SYT2: variants seen among roughly 807,000 people sequenced by gnomAD.
SYT2 encodes the protein synaptotagmin-2.
In SYT2, 15 loss-of-function variants were observed where a neutral mutation model predicts 39.9. That is an observed-to-expected ratio of 0.38 (90% confidence interval 0.25 to 0.58). The LOEUF is 0.58. Among genes scored for constraint, SYT2 ranks in the 20% least tolerant of loss-of-function variants. The pLI is 0.70. For synonymous variants in SYT2, 181 were observed against 204.5 expected (o/e 0.89, Z 0.98); for missense variants, 389 against 530.3 (o/e 0.73, Z 2.62).
At chr1:202,672,270 C>G (rs908873233) in intron 1 of SYT2, among the ~76,000 whole-genome samples, 17 of 152,270 alleles carry the variant, frequency 1.1e-4, no homozygotes, top group African/African-American at 4.1e-4. Context: ...TTCGTTTAAC[C>G]CCCAGTGTGA....
intron 1 of SYT2, among the ~76,000 whole-genome samples, chr1:202,610,317 C>T (rs568150646): frequency 6.6e-6 from 1 of 152,028 alleles, no homozygotes; most frequent in Admixed American, 6.6e-5. Flanking sequence ...AAGTCAGGTA[C>T]TGTGATGCCT....
intron 1 of SYT2, among the ~76,000 whole-genome samples, chr1:202,639,312 C>T (rs1320789125): frequency 6.6e-6 from 1 of 152,202 alleles, no homozygotes; most frequent in Non-Finnish European, 1.5e-5. Flanking sequence ...AGGCATTTTA[C>T]CTTGTGCTCT....
chr1:202,643,797 C>T (rs1420511667), intron 1 of SYT2, among the ~76,000 whole-genome samples: 6 of 152,082 alleles, frequency 3.9e-5, no homozygotes, highest in Admixed American at 6.5e-5. Flanking sequence ...GCTCCGAGCC[C>T]CCGGAGCCCT....
chr1:202,607,150 T>C (rs1451342446), intron 1 of SYT2, among the ~76,000 whole-genome samples: 5 of 152,198 alleles, frequency 3.3e-5, no homozygotes, highest in Admixed American at 2.6e-4. Flanking sequence ...CCAAGCTCTT[T>C]CTGCTCCTCA....
chr1:202,618,014 T>C lies in SYT2; in HGVS notation c.-17-12225A>G, dbSNP rs192495749. Among the ~76,000 whole-genome samples, 7 of 152,266 alleles carry C rather than the reference T, an allele frequency of 4.6e-5. No homozygotes were observed. The East Asian group carries it at 1.2e-3, about 25-fold the overall frequency. The stretch of plus-strand genomic sequence containing the variant: ...GCCTCCCAGGTTCAAGCAATTCTCC[T>C]GCCTCAGTCTCCCAAGTAGCTGGGA... On this transcript the variant is annotated intron_variant, in intron 1 of 8. Transcript: ENST00000367268.
chr1:202,652,772 C>T (rs1018325786), intron 1 of SYT2, among the ~76,000 whole-genome samples: 27 of 152,214 alleles, frequency 1.8e-4, no homozygotes, highest in African/African-American at 5.5e-4. Context: ...GACCCAGAAA[C>T]GTGGCTCTGC....
chr1:202,624,484 TGGTGTATAGTAA>T (rs1486786571), intron 1 of SYT2, among the ~76,000 whole-genome samples: 2 of 147,718 alleles, frequency 1.4e-5, no homozygotes, highest in African/African-American at 5.1e-5. Context: ...GAGGTGTGTG[TGGTGTATAGTAA>T]GGTGTGTATG....
chr1:202,603,289 C>A (rs1243651605), intron 3 of SYT2, among the ~76,000 whole-genome samples, 171 bp from the exon 4 acceptor site: 1 of 152,130 alleles, frequency 6.6e-6, no homozygotes, highest in Non-Finnish European at 1.5e-5. Flanking sequence ...TCCTTCACGG[C>A]CCATCAGAAC....
intron 1 of SYT2, among the ~76,000 whole-genome samples, chr1:202,691,244 G>C (rs937677497): frequency 6.6e-6 from 1 of 152,208 alleles, no homozygotes; most frequent in Non-Finnish European, 1.5e-5. Context: ...GCCTGGGCTA[G>C]CTTTCCCATG....
intron 1 of SYT2, among the ~76,000 whole-genome samples, chr1:202,678,220 G>A (rs915450318): frequency 7.4e-6 from 1 of 135,336 alleles, no homozygotes; most frequent in Non-Finnish European, 1.5e-5. Context: ...GTTGCAGTGA[G>A]CCGAGATCGT....
intron 1 of SYT2, among the ~76,000 whole-genome samples, chr1:202,659,939 T>A (rs1034703421): frequency 2.2e-4 from 34 of 152,138 alleles, no homozygotes; most frequent in Non-Finnish European, 8.8e-5. Context: ...TTAAACCCCC[T>A]GGGTCCCAGG....
At chr1:202,638,362 T>C (rs1433246725) in intron 1 of SYT2, among the ~76,000 whole-genome samples, 2 of 152,210 alleles carry the variant, frequency 1.3e-5, no homozygotes, top group Admixed American at 6.5e-5. Context: ...ACAGCCTCTC[T>C]TGACCTGCCA....
rs1690191649 is a variant in SYT2 at position 202,593,445 on chromosome 1, TC to T, written c.*3311del. ...TCGCTGAAGCCTTGGGCCAGCAAAA[TC>T]ATCCCACACTGATTCTGCAGACACA... On this transcript the variant is annotated 3_prime_UTR_variant, in exon 9 of 9. Coordinates refer to ENST00000367268, the MANE Select transcript of SYT2 (RefSeq NM_177402.5). 1.3e-5 allele frequency: 2 copies of T among 152,224 alleles called. No homozygotes were observed. The highest frequency in any genetic ancestry group is 4.1e-4 in the South Asian group (2 of 4,824). 9.4% of individuals were successfully genotyped at this position (152,224 alleles called of 1,614,324 possible).
intron 1 of SYT2, among the ~76,000 whole-genome samples, chr1:202,617,136 T>C (rs188132681): frequency 1.3e-5 from 2 of 152,338 alleles, no homozygotes; most frequent in Non-Finnish European, 2.9e-5. Context: ...CTCCTTCTTT[T>C]GTTTCCCCTA....
At chr1:202,660,977 A>G (rs554233266) in intron 1 of SYT2, among the ~76,000 whole-genome samples, 1 of 152,276 alleles carries the variant, frequency 6.6e-6, no homozygotes, top group African/African-American at 2.4e-5. Context: ...ATACTTCTGC[A>G]TCCCTTTCCT....
At chr1:202,645,700 A>G (rs1175511337) in intron 1 of SYT2, among the ~76,000 whole-genome samples, 1 of 152,206 alleles carries the variant, frequency 6.6e-6, no homozygotes, top group Non-Finnish European at 1.5e-5. Context: ...TACTGTGTTT[A>G]ATGTCTATAC....
intron 1 of SYT2, among the ~76,000 whole-genome samples, chr1:202,669,700 G>A (rs1171553027): frequency 6.6e-6 from 1 of 151,154 alleles, no homozygotes; most frequent in East Asian, 1.9e-4. Flanking sequence ...CAACGCTGCA[G>A]TGAGGCATGA....
At chr1:202,667,056 C>T (rs1303595677) in intron 1 of SYT2, among the ~76,000 whole-genome samples, 1 of 152,184 alleles carries the variant, frequency 6.6e-6, no homozygotes, top group Admixed American at 6.5e-5. Flanking sequence ...ATAAAGGATT[C>T]CTCTCTATTT....
intron 1 of SYT2, among the ~76,000 whole-genome samples, chr1:202,610,089 T>G (rs1690843961): frequency 6.6e-6 from 1 of 152,176 alleles, no homozygotes; most frequent in South Asian, 2.1e-4. Context: ...GGATCCAGTT[T>G]CAGCTTTCTA....
Sources: allele counts gnomAD v4.1 joint callset (sites outside exome capture counted in the v4.1 genomes callset), GRCh38; gene constraint gnomAD v4.1.1; transcripts MANE v1.5; gene names NCBI Gene and HGNC (gene_info 2026-07-23, HGNC 2026-07-21).